The following MAGI1 variants were observed in gnomAD, a reference collection of about 807,000 sequenced individuals.
MAGI1 encodes the protein membrane associated guanylate kinase, WW and PDZ domain containing 1, also known as membrane-associated guanylate kinase, WW and PDZ domain-containing protein 1.
Under a neutral mutation model 139.9 loss-of-function variants are expected in MAGI1, and 58 were observed. The observed-to-expected ratio is 0.41, with a 90% CI of 0.34 to 0.52. The LOEUF (loss-of-function observed/expected upper bound fraction) is 0.52, where lower values mean the gene tolerates loss of function less well. Ranked by LOEUF, MAGI1 falls within the 20% of genes least tolerant of loss-of-function variation. The pLI is 0.12. For missense variants in MAGI1, 1,874 were observed against 1,901.6 expected, an observed-to-expected ratio of 0.99 and a Z score of 0.27; for synonymous variants, 812 against 737.9, an observed-to-expected ratio of 1.10 and a Z score of -1.63.
chr3:65,590,290 T>C (rs1483665950), intron 2 of MAGI1, among the ~76,000 whole-genome samples: 1 of 152,208 alleles, frequency 6.6e-6, no homozygotes, highest in Non-Finnish European at 1.5e-5. Context: ...GTAAAGCTAT[T>C]TTGTACATCT....
intron 1 of MAGI1, among the ~76,000 whole-genome samples, chr3:65,814,557 T>C (rs1473550): frequency 0.66 from 100,744 of 151,942 alleles, 33,782 homozygotes; most frequent in East Asian, 0.95. Flanking sequence ...TTGAACTACA[T>C]AATTTGGATT....
At chr3:65,577,945 C>G (rs2081246607) in intron 2 of MAGI1, among the ~76,000 whole-genome samples, 1 of 152,212 alleles carries the variant, frequency 6.6e-6, no homozygotes, top group African/African-American at 2.4e-5. Flanking sequence ...CTCTCTTTCT[C>G]TCTCTCACAC....
At chr3:65,409,344 G>GAT (rs1330748539) in intron 12 of MAGI1, among the ~76,000 whole-genome samples, 2 of 152,130 alleles carry the variant, frequency 1.3e-5, no homozygotes, top group African/African-American at 4.8e-5. Flanking sequence ...AATCTAATCC[G>GAT]ATATGAAGAA....
chr3:65,382,871 C>A (rs753965985), intron 15 of MAGI1, among the ~76,000 whole-genome samples: 1 of 152,122 alleles, frequency 6.6e-6, no homozygotes, highest in Admixed American at 6.5e-5. Context: ...ATGTTAAGAG[C>A]CTTTAGCACA....
intron 4 of MAGI1, among the ~76,000 whole-genome samples, chr3:65,478,347 T>C (rs566266208): frequency 2.1e-4 from 32 of 152,320 alleles, no homozygotes; most frequent in African/African-American, 7.2e-4. Context: ...GTTTGCCTTC[T>C]TCATACATTC....
chr3:65,804,976 T>C (rs141062350), intron 1 of MAGI1, among the ~76,000 whole-genome samples: 282 of 152,144 alleles, frequency 1.9e-3, no homozygotes, highest in African/African-American at 6.0e-3. Context: ...CCCAAAACTA[T>C]AAAAACCCTA....
At chr3:66,022,147 C>T (rs1189186049) in intron 1 of MAGI1, among the ~76,000 whole-genome samples, 1 of 152,202 alleles carries the variant, frequency 6.6e-6, no homozygotes, top group Non-Finnish European at 1.5e-5. Flanking sequence ...AACCAGCTGT[C>T]TTATTCCCAT....
chr3:65,828,859 AG>A (rs1481673893), intron 1 of MAGI1, among the ~76,000 whole-genome samples: 1 of 152,218 alleles, frequency 6.6e-6, no homozygotes, highest in African/African-American at 2.4e-5. Flanking sequence ...CAAAAGGAAA[AG>A]GAGCTCAACC....
intron 1 of MAGI1, among the ~76,000 whole-genome samples, chr3:65,885,330 G>T (rs904281416): frequency 3.3e-5 from 5 of 151,744 alleles, no homozygotes; most frequent in Admixed American, 6.6e-5. Flanking sequence ...CCAGGAGGCA[G>T]AAGTTGCAGT....
chr3:65,549,605 T>TCA (rs1295903857), intron 2 of MAGI1: 3 of 383,266 alleles, frequency 7.8e-6, no homozygotes, highest in African/African-American at 2.2e-5. Flanking sequence ...TGCGCGCTAT[T>TCA]CACACTCCGG....
chr3:65,880,610 A>G (rs2060286056), intron 1 of MAGI1, among the ~76,000 whole-genome samples: 1 of 152,166 alleles, frequency 6.6e-6, no homozygotes, highest in African/African-American at 2.4e-5. Context: ...TGAAATGGCC[A>G]TGTCATAAAA....
intron 1 of MAGI1, among the ~76,000 whole-genome samples, chr3:65,869,929 G>A (rs941359610): frequency 2.6e-5 from 4 of 151,656 alleles, no homozygotes; most frequent in African/African-American, 7.3e-5. Context: ...CGCAGTAAGC[G>A]TTCAGTGCAT....
chr3:65,444,380 T>C (rs936218716), intron 7 of MAGI1, among the ~76,000 whole-genome samples: 1 of 151,958 alleles, frequency 6.6e-6, no homozygotes, highest in African/African-American at 2.4e-5. Flanking sequence ...AATCGAAGAT[T>C]AAAAAAATGC....
chr3:65,481,192 C>T (rs1041413619), intron 3 of MAGI1, among the ~76,000 whole-genome samples: 2 of 152,074 alleles, frequency 1.3e-5, no homozygotes, highest in Admixed American at 1.3e-4. Context: ...TTCAGGTTTC[C>T]AACTTACAGG....
At chr3:65,793,641 G>C (rs926426523) in intron 1 of MAGI1, among the ~76,000 whole-genome samples, 1 of 152,092 alleles carries the variant, frequency 6.6e-6, no homozygotes, top group Non-Finnish European at 1.5e-5. Context: ...AGATACTGAT[G>C]AAAGCAGCTG....
At chr3:65,521,871 T>C (rs1363842970) in intron 2 of MAGI1, among the ~76,000 whole-genome samples, 1 of 152,208 alleles carries the variant, frequency 6.6e-6, no homozygotes. Flanking sequence ...ATTATAATGG[T>C]GATTAATCTG....
intron 1 of MAGI1, among the ~76,000 whole-genome samples, chr3:66,033,416 A>G (rs2068747826): frequency 6.6e-6 from 1 of 152,164 alleles, no homozygotes; most frequent in Non-Finnish European, 1.5e-5. Flanking sequence ...GCTATGCTAT[A>G]AATCAGGGTC....
At chr3:66,003,577 C>A (rs1259520812) in intron 1 of MAGI1, among the ~76,000 whole-genome samples, 1 of 151,954 alleles carries the variant, frequency 6.6e-6, no homozygotes, top group Non-Finnish European at 1.5e-5. Flanking sequence ...CCTGCCTCAG[C>A]CTCCTGAGTA....
At chr3:65,928,506 C>A (rs747778819) in intron 1 of MAGI1, among the ~76,000 whole-genome samples, 7 of 152,054 alleles carry the variant, frequency 4.6e-5, no homozygotes, top group Non-Finnish European at 8.8e-5. Flanking sequence ...ATTGCTTTTC[C>A]GCTGGCCTCA....
Sources: allele counts gnomAD v4.1 joint callset (sites outside exome capture counted in the v4.1 genomes callset), GRCh38; gene constraint gnomAD v4.1.1; transcripts MANE v1.5; gene names NCBI Gene and HGNC (gene_info 2026-07-23, HGNC 2026-07-21).